Variants in AGAP1 observed in about 807,000 individuals in gnomAD.
The protein encoded by AGAP1 is ArfGAP with GTPase domain, ankyrin repeat and PH domain 1.
In AGAP1, 29 loss-of-function variants were observed where a neutral mutation model predicts 105.3. The ratio of observed to expected loss-of-function variants is 0.28; its 90% CI spans 0.21 to 0.38. AGAP1 has a LOEUF of 0.38. Ranked by LOEUF, AGAP1 falls within the 10% of genes least tolerant of loss-of-function variation. The probability of loss-of-function intolerance (pLI) is 1.00; values close to 1 mark genes in which losing one functional copy is unlikely to be tolerated. For synonymous variants in AGAP1, 509 were observed against 485.9 expected, an observed-to-expected ratio of 1.05 and a Z score of -0.63; for missense variants, 998 against 1,165.1, an observed-to-expected ratio of 0.86 and a Z score of 2.09.
Position 236,076,970 on chromosome 2 carries a change from G to C in AGAP1, c.2114+27689G>C, listed in dbSNP as rs1041273309. Among the ~76,000 whole-genome samples the C allele has an allele frequency of 6.6e-6, 1 of 151,228 alleles. No individual in the cohort carries two copies. The highest frequency in any genetic ancestry group is 2.4e-5 in the African/African-American group (1 of 41,284). ...AAAATACCCAAAAAAAAAAAGCCAG[G>C]CATGGTGGTGCATGTCTGTGTCCCA... is the stretch of plus-strand genomic sequence containing the variant. On this transcript the variant is annotated intron_variant, in intron 16 of 17. Coordinates refer to ENST00000304032, the MANE Select transcript of AGAP1 (RefSeq NM_001037131.3). This position sits in a 1 kb window ranked among gnomAD's most constrained non-coding sequence, Gnocchi z 4.4.
intron 1 of AGAP1, among the ~76,000 whole-genome samples, chr2:235,685,494 C>T (rs1435966077): frequency 2.0e-5 from 3 of 151,352 alleles, no homozygotes; most frequent in Non-Finnish European, 4.4e-5. Flanking sequence ...TGGCTGCCAG[C>T]AGAGGCTGTA....
rs982931981 is a variant in AGAP1, at chr2:235,875,702, C to T, written c.1051-7643C>T. 6.6e-6 allele frequency among the ~76,000 whole-genome samples: 1 copy of T among 152,156 alleles called. No homozygotes were observed. The highest frequency in any genetic ancestry group is 2.4e-5 in the African/African-American group (1 of 41,430). ...TGCTTATGGGGCGCCATGACACCAA[C>T]ACATGGAGCCACTTGGAGACTTGTG... On this transcript the variant is annotated intron_variant, in intron 9 of 17. Transcript: ENST00000304032. The surrounding 1 kb of genome is among the most constrained non-coding windows in gnomAD (Gnocchi z 4.0).
In AGAP1 at chr2:235,542,965, G is replaced by A. The variant is rs989251647; in HGVS notation, c.163+48116G>A. ...TCCTTCGTTTTCCTGACCTGGGGAC[G>A]GTCTCCTGGAAGCCTGACTTCCTGT... On this transcript the variant is annotated intron_variant, in intron 1 of 17. Transcript: ENST00000304032. 3.9e-5 allele frequency among the ~76,000 whole-genome samples: 6 copies of A among 152,238 alleles called. No individual in the cohort carries two copies. In the East Asian group the frequency reaches 7.7e-4, roughly 20 times the overall value.
In AGAP1 at chr2:235,988,210, T is replaced by G. The variant is rs976977313; in HGVS notation, c.1645+19587T>G. 1.3e-5 allele frequency among the ~76,000 whole-genome samples: 2 copies of G among 152,114 alleles called. No individual in the cohort carries two copies. Among genetic ancestry groups the G allele is most frequent in the African/African-American group, 4.8e-5 (2 of 41,420 alleles). On this transcript the variant is annotated intron_variant, in intron 13 of 17. Transcript: ENST00000304032. The surrounding 1 kb of genome is among the most constrained non-coding windows in gnomAD (Gnocchi z 4.7). ...GGTGCCCACCACCACGCCCAGCTAATTTTTGTGTTTTTAGTAGAGACAGGG... is the reference window on the plus strand; with the variant it reads ...GGTGCCCACCACCACGCCCAGCTAAGTTTTGTGTTTTTAGTAGAGACAGGG...
chr2:235,652,633 C>T (rs771081741), intron 1 of AGAP1, among the ~76,000 whole-genome samples: 16 of 152,040 alleles, frequency 1.1e-4, no homozygotes, highest in Non-Finnish European at 1.5e-4. Flanking sequence ...GGCTCACACC[C>T]GTAATCCCAG....
intron 7 of AGAP1, among the ~76,000 whole-genome samples, chr2:235,798,327 A>G (rs1466477982): frequency 1.3e-5 from 2 of 152,240 alleles, no homozygotes; most frequent in East Asian, 1.9e-4. Flanking sequence ...TTCCATAACA[A>G]CATTTTGCAA....
intron 16 of AGAP1, among the ~76,000 whole-genome samples, chr2:236,070,613 A>T (rs1212968593): frequency 6.6e-6 from 1 of 152,272 alleles, no homozygotes; most frequent in African/African-American, 2.4e-5. Flanking sequence ...TTGTTCAGCC[A>T]CAGAAAAGAC....
intron 13 of AGAP1, among the ~76,000 whole-genome samples, chr2:236,025,457 T>C (rs2057020774): frequency 1.3e-5 from 2 of 152,204 alleles, no homozygotes; most frequent in South Asian, 2.1e-4. Flanking sequence ...TATCATCTGC[T>C]AAAAATTCTT....
Position 235,978,905 on chromosome 2 carries a change from G to GT in AGAP1, c.1645+10287dup, listed in dbSNP as rs571231680. 2.9e-3 allele frequency among the ~76,000 whole-genome samples: 445 copies of GT among 151,624 alleles called. 1 individual carries two copies. The highest frequency in any genetic ancestry group is 4.9e-3 in the Non-Finnish European group (330 of 67,904). ...AACAAGTGCATGCACACTCTGATACGTTTTTAAAAAAAAAAGATGCAAATC... is the reference window on the plus strand; with the variant it reads ...AACAAGTGCATGCACACTCTGATACGTTTTTTAAAAAAAAAAGATGCAAATC... On this transcript the variant is annotated intron_variant, in intron 13 of 17. Transcript: ENST00000304032.
Position 235,566,529 on chromosome 2 carries a change from G to A in AGAP1, c.163+71680G>A, listed in dbSNP as rs1302611138. 26 of 970,028 alleles carry A rather than the reference G, an allele frequency of 2.7e-5. No individual in the cohort carries two copies. Among genetic ancestry groups the A allele is most frequent in the African/African-American group, 1.1e-4 (6 of 56,844 alleles). The allele number at this position is 970,028 out of a possible 1,614,324, so 60.1% of individuals were successfully genotyped here. On this transcript the variant is annotated intron_variant, in intron 1 of 17. Coordinates refer to ENST00000304032, the MANE Select transcript of AGAP1 (RefSeq NM_001037131.3). This position sits in a 1 kb window ranked among gnomAD's most constrained non-coding sequence, Gnocchi z 5.2. ...AGTGAAAAGCACAAATCATCAGTGC[G>A]CCGTACGTTTTGGCCAGCACTTTAT...
At position 235,526,640 on chromosome 2, in the gene AGAP1, T is replaced by C. The variant is rs964734111; in HGVS notation, c.163+31791T>C. On this transcript the variant is annotated intron_variant, in intron 1 of 17. Transcript: ENST00000304032. ...AAAAAACCTTAAAAATTAAAAAAAG[T>C]TTTTACAAGTAATAAGAACTTTACA... Among the ~76,000 whole-genome samples, 23 of 147,628 alleles carry C rather than the reference T, an allele frequency of 1.6e-4. No individual in the cohort carries two copies. In the South Asian group the frequency reaches 4.9e-3, roughly 32 times the overall value.
Position 236,113,404 on chromosome 2 carries a change from G to T in AGAP1, c.2115-6788G>T, listed in dbSNP as rs182016053. 6.6e-6 allele frequency among the ~76,000 whole-genome samples: 1 copy of T among 152,362 alleles called. No homozygotes were observed. Among genetic ancestry groups the T allele is most frequent in the African/African-American group, 2.4e-5 (1 of 41,584 alleles). ...TCCACCCACTTCGGCCTCCCAAAGT[G>T]CTGGGATTACAGTCATGAGCCACCA... On this transcript the variant is annotated intron_variant, in intron 16 of 17. Transcript: ENST00000304032. This position sits in a 1 kb window ranked among gnomAD's most constrained non-coding sequence, Gnocchi z 4.3.
At chr2:235,646,167 C>T (rs1275282128) in intron 1 of AGAP1, among the ~76,000 whole-genome samples, 5 of 148,972 alleles carry the variant, frequency 3.4e-5, no homozygotes, top group East Asian at 2.0e-4. Context: ...CTGAGCTCCT[C>T]GGGAAGCTGA....
chr2:235,956,436 C>T (rs181766935), intron 12 of AGAP1, among the ~76,000 whole-genome samples: 29 of 152,320 alleles, frequency 1.9e-4, no homozygotes, highest in Admixed American at 9.1e-4. Flanking sequence ...TTCTGCCTCA[C>T]TTGGCCACTC....
chr2:235,827,081 G>A (rs1959112386), intron 9 of AGAP1, among the ~76,000 whole-genome samples: 1 of 152,188 alleles, frequency 6.6e-6, no homozygotes, highest in Non-Finnish European at 1.5e-5. Flanking sequence ...TGCGGCTTGT[G>A]CGTCTCCCCA....
At position 236,101,722 on chromosome 2, in the gene AGAP1, T is replaced by C. The variant is rs953519955; in HGVS notation, c.2115-18470T>C. Among the ~76,000 whole-genome samples the C allele has an allele frequency of 1.3e-5, 2 of 152,224 alleles. No individual in the cohort carries two copies. Among genetic ancestry groups the C allele is most frequent in the African/African-American group, 2.4e-5 (1 of 41,450 alleles). ...CGCTGTTATGGTGAACGGAATTCAC[T>C]GTGATGGCGGCTGCACCAGCAGAGC... On this transcript the variant is annotated intron_variant, in intron 16 of 17. Transcript: ENST00000304032. The surrounding 1 kb of genome is among the most constrained non-coding windows in gnomAD (Gnocchi z 4.9).
At chr2:235,641,581 G>T (rs767785448) in intron 1 of AGAP1, among the ~76,000 whole-genome samples, 2 of 152,156 alleles carry the variant, frequency 1.3e-5, no homozygotes, top group African/African-American at 2.4e-5. Flanking sequence ...CCGCCCACGC[G>T]GCTGTGCCTC....
chr2:235,819,346 C>T (rs1326931504), intron 9 of AGAP1, among the ~76,000 whole-genome samples: 1 of 151,868 alleles, frequency 6.6e-6, no homozygotes, highest in Non-Finnish European at 1.5e-5. Context: ...AACTCCTGAG[C>T]TCAGGCAATC....
chr2:235,978,515 G>T (rs1421648806), intron 13 of AGAP1, among the ~76,000 whole-genome samples: 1 of 152,212 alleles, frequency 6.6e-6, no homozygotes, highest in African/African-American at 2.4e-5. Context: ...TGTGGTGTTG[G>T]CAGGTGGGTG....
Sources: allele counts gnomAD v4.1 joint callset (sites outside exome capture counted in the v4.1 genomes callset), GRCh38; gene constraint gnomAD v4.1.1; non-coding constraint Gnocchi (gnomAD v3.1); transcripts MANE v1.5; gene names NCBI Gene and HGNC (gene_info 2026-07-23, HGNC 2026-07-21).